URGCP: variants seen among roughly 807,000 people sequenced by gnomAD.
The protein encoded by URGCP is up-regulator of cell proliferation.
A neutral mutation model predicts 24.6 loss-of-function variants in URGCP; 13 were observed. The ratio of observed to expected loss-of-function variants is 0.53; its 90% CI spans 0.34 to 0.84. The LOEUF (loss-of-function observed/expected upper bound fraction) is 0.84, where lower values mean the gene tolerates loss of function less well. URGCP is among the 40% of genes least tolerant of loss of function. The probability of loss-of-function intolerance (pLI) is 0.01; values close to 1 mark genes in which losing one functional copy is unlikely to be tolerated. For synonymous variants in URGCP, 444 were observed against 487.2 expected (o/e 0.91, Z 1.17); for missense variants, 899 against 1,194.3 (o/e 0.75, Z 3.64).
chr7:43,889,817 C>T (rs2095867675), intron 1 of URGCP, among the ~76,000 whole-genome samples: 1 of 152,208 alleles, frequency 6.6e-6, no homozygotes, highest in African/African-American at 2.4e-5. Context: ...TTACTGTACA[C>T]ACCCTACTTC....
In URGCP at chr7:43,877,699, C is replaced by T. The variant is rs201056662; in HGVS notation, c.1764G>A (p.Thr588=). 1.3e-4 allele frequency: 205 copies of T among 1,613,608 alleles called. 1 individual carries two copies. The highest frequency in any genetic ancestry group is 9.9e-4 in the South Asian group (90 of 91,026). The change falls in exon 6 of 6, where the codon ACG becomes ACA. Residue 588 remains threonine (T), a synonymous_variant. Coordinates refer to ENST00000453200, the MANE Select transcript of URGCP (RefSeq NM_001077663.3). ...AQPRLRQPPE[T]LLTLRPKHGG... is the part of the protein sequence containing the mutation. Reference sequence around the variant, plus strand: ...CATGCTTTGGTCTCAGGGTGAGAAGCGTCTCCGGAGGCTGTCTCAGTCGCG... The same window carrying T: ...CATGCTTTGGTCTCAGGGTGAGAAGTGTCTCCGGAGGCTGTCTCAGTCGCG...
At chr7:43,912,926 C>T (rs1180941599) in intron 1 of URGCP, among the ~76,000 whole-genome samples, 1 of 152,112 alleles carries the variant, frequency 6.6e-6, no homozygotes, top group Non-Finnish European at 1.5e-5. Context: ...TCTCAGCTCA[C>T]TGCAACCTCC....
chr7:43,883,994 A>G (rs1435462409), intron 3 of URGCP, among the ~76,000 whole-genome samples: 2 of 152,188 alleles, frequency 1.3e-5, no homozygotes, highest in Non-Finnish European at 2.9e-5. Context: ...AAATGGTTAG[A>G]GAAAAGAATG....
chr7:43,880,886 G>A (rs1170650337), intron 5 of URGCP, among the ~76,000 whole-genome samples: 4 of 152,340 alleles, frequency 2.6e-5, no homozygotes, highest in South Asian at 2.1e-4. Context: ...CCCTCTGCCT[G>A]TTTCCCAAGA....
chr7:43,904,814 TA>T (rs1211291906), intron 1 of URGCP, among the ~76,000 whole-genome samples: 1 of 152,206 alleles, frequency 6.6e-6, no homozygotes, highest in Non-Finnish European at 1.5e-5. Context: ...GGCAATATGG[TA>T]CAGCCTGTTG....
rs1458277265 is a variant in URGCP, at chr7:43,878,484, T to A, written c.979A>T (p.Ile327Phe). The change falls in exon 6 of 6, where the codon ATT becomes TTT. Residue 327 changes from isoleucine to phenylalanine, a missense_variant. Coordinates refer to ENST00000453200, the MANE Select transcript of URGCP (RefSeq NM_001077663.3). The surrounding 1 kb of genome is among the most constrained non-coding windows in gnomAD (Gnocchi z 5.6). ...AGAAAGGCCACAGGTTCTGGGAAAA[T>A]GTCCAAGTCCTCCCTTCCGCTGGGA... ...FFPSGREDLD[I>F]FPEPVAFLNL... 1.2e-6 allele frequency: 2 copies of A among 1,613,998 alleles called. No individual in the cohort carries two copies. Among genetic ancestry groups the A allele is most frequent in the Non-Finnish European group, 1.7e-6 (2 of 1,180,026 alleles).
intron 5 of URGCP, 137 bp from the exon 6 acceptor site, chr7:43,879,397 G>T: frequency 9.6e-7 from 1 of 1,045,790 alleles, no homozygotes; most frequent in Non-Finnish European, 1.4e-6. Flanking sequence ...GGCACAGGAG[G>T]CTCAGGGTGT....
intron 1 of URGCP, among the ~76,000 whole-genome samples, chr7:43,914,179 A>G (rs1335356535): frequency 1.3e-5 from 2 of 152,158 alleles, no homozygotes; most frequent in Non-Finnish European, 1.5e-5. Context: ...TGTTTTGTAG[A>G]GACGGGTTTT....
At chr7:43,895,182 G>C (rs1411402608) in intron 1 of URGCP, among the ~76,000 whole-genome samples, 2 of 151,940 alleles carry the variant, frequency 1.3e-5, no homozygotes, top group Admixed American at 6.6e-5. Flanking sequence ...GATATCTAGA[G>C]TATACAAGGA....
Position 43,876,308 on chromosome 7 carries a change from G to A in URGCP, c.*359C>T, listed in dbSNP as rs765836349. 1.3e-5 allele frequency: 3 copies of A among 224,154 alleles called. No individual in the cohort carries two copies. Among genetic ancestry groups the A allele is most frequent in the Admixed American group, 5.2e-5 (1 of 19,332 alleles). The allele number at this position is 224,154 out of a possible 1,614,324, so 13.9% of individuals were successfully genotyped here. Reference sequence around the variant, plus strand: ...ACCTCTGTCCTGGGACCACCTGCCCGCCTGGGCCTGCAGTGACTAAGGACG... The same window carrying A: ...ACCTCTGTCCTGGGACCACCTGCCCACCTGGGCCTGCAGTGACTAAGGACG... On this transcript the variant is annotated 3_prime_UTR_variant, in exon 6 of 6. Transcript: ENST00000453200.
rs989436195 is a variant in URGCP, at chr7:43,876,386, C to G, written c.*281G>C. 4.6e-6 allele frequency: 2 copies of G among 433,188 alleles called. No homozygotes were observed. Among genetic ancestry groups the G allele is most frequent in the Non-Finnish European group, 8.4e-6 (2 of 238,530 alleles). 26.8% of individuals were successfully genotyped at this position (433,188 alleles called of 1,614,324 possible). Reference sequence around the variant, plus strand: ...GAGAGCAGCTATACAGAGGGCCCACCCCGCAGGATCCTTGACAGGAGCTGA... The same window carrying G: ...GAGAGCAGCTATACAGAGGGCCCACGCCGCAGGATCCTTGACAGGAGCTGA... On this transcript the variant is annotated 3_prime_UTR_variant, in exon 6 of 6. Coordinates refer to ENST00000453200, the MANE Select transcript of URGCP (RefSeq NM_001077663.3).
At chr7:43,916,213 G>A (rs977298023) in intron 1 of URGCP, among the ~76,000 whole-genome samples, 5 of 152,136 alleles carry the variant, frequency 3.3e-5, no homozygotes, top group African/African-American at 4.8e-5. Flanking sequence ...TACTTAGAAC[G>A]GCGAGGACTG....
chr7:43,907,747 GAATT>G (rs761491430), upstream of URGCP, among the ~76,000 whole-genome samples: 13 of 152,142 alleles, frequency 8.5e-5, no homozygotes, highest in Non-Finnish European at 1.6e-4. Flanking sequence ...AAGATTAAAT[GAATT>G]AATATTTGTA....
At chr7:43,900,964 T>C (rs1005583728) in intron 1 of URGCP, among the ~76,000 whole-genome samples, 1 of 152,218 alleles carries the variant, frequency 6.6e-6, no homozygotes, top group Non-Finnish European at 1.5e-5. Context: ...CCAACACTTT[T>C]GTTTGTGCCT....
In URGCP at chr7:43,887,953, T is replaced by C. The variant is rs1308525328; in HGVS notation, c.15-137A>G. The C allele has an allele frequency of 2.4e-5, 14 of 594,966 alleles. No individual in the cohort carries two copies. In the East Asian group the frequency reaches 2.7e-4, roughly 11 times the overall value. The allele number at this position is 594,966 out of a possible 1,614,324, so 36.9% of individuals were successfully genotyped here. On this transcript the variant is annotated intron_variant, in intron 1 of 5. Coordinates refer to ENST00000453200, the MANE Select transcript of URGCP (RefSeq NM_001077663.3). ...ATTCTGCAGCCATTAAAAAATACGC[T>C]ATGGATTTCTTTTGTGGACAAAAAG...
At chr7:43,914,858 C>T (rs542177588) in intron 1 of URGCP, among the ~76,000 whole-genome samples, 57 of 147,612 alleles carry the variant, frequency 3.9e-4, no homozygotes, top group African/African-American at 1.3e-3. Context: ...AGGAGACAGC[C>T]ATATGCCGCA....
At chr7:43,920,759 G>A (rs2095921390) in intron 1 of URGCP, among the ~76,000 whole-genome samples, 1 of 152,136 alleles carries the variant, frequency 6.6e-6, no homozygotes, top group Non-Finnish European at 1.5e-5. Context: ...CAGAAAAGGT[G>A]CCATGCATGC....
At chr7:43,913,183 T>C (rs1446417067) in intron 1 of URGCP, among the ~76,000 whole-genome samples, 1 of 152,032 alleles carries the variant, frequency 6.6e-6, no homozygotes, top group Non-Finnish European at 1.5e-5. Flanking sequence ...ATTTGCCAGA[T>C]ATAAGATTCT....
In URGCP at chr7:43,881,709, G is replaced by A. The variant is rs781341808; in HGVS notation, c.164-12C>T. ...CTCATTTGTACCATCTATGGAAAAA[G>A]CAATGGAAAATGAAGTGTCAATCAA... On this transcript the variant is annotated splice_polypyrimidine_tract_variant and intron_variant, in intron 4 of 5. Coordinates refer to ENST00000453200, the MANE Select transcript of URGCP (RefSeq NM_001077663.3). The A allele has an allele frequency of 6.8e-6, 11 of 1,614,106 alleles. No homozygotes were observed. Among genetic ancestry groups the A allele is most frequent in the Non-Finnish European group, 9.3e-6 (11 of 1,180,008 alleles).
Sources: gnomAD v4.1 joint callset for allele counts (sites outside exome capture counted in the v4.1 genomes callset) on GRCh38, gnomAD v4.1.1 for gene constraint, Gnocchi (gnomAD v3.1) non-coding constraint, MANE v1.5 for transcripts, NCBI Gene and HGNC (gene_info 2026-07-23, HGNC 2026-07-21) for gene names.